The following KIAA1217 variants were observed in gnomAD, a reference collection of about 807,000 sequenced individuals.
KIAA1217 encodes sickle tail protein homolog.
KIAA1217 carries 88 observed loss-of-function variants against 163.9 expected under a neutral mutation model. The observed-to-expected ratio is 0.54, with a 90% CI of 0.45 to 0.64. The LOEUF is 0.64. KIAA1217 is among the 30% of genes least tolerant of loss of function. The probability of loss-of-function intolerance (pLI) is 0.00; values close to 1 mark genes in which losing one functional copy is unlikely to be tolerated. For missense variants in KIAA1217, 2,372 were observed against 2,475.0 expected, an observed-to-expected ratio of 0.96 and a Z score of 0.88; for synonymous variants, 903 against 923.1, an observed-to-expected ratio of 0.98 and a Z score of 0.39.
chr10:23,810,568 A>G (rs941220688), intron 1 of KIAA1217, among the ~76,000 whole-genome samples: 2 of 130,700 alleles, frequency 1.5e-5, no homozygotes, highest in South Asian at 4.6e-4. Flanking sequence ...TATATATAGT[A>G]TAATCTATAT....
intron 1 of KIAA1217, among the ~76,000 whole-genome samples, chr10:23,875,279 A>G (rs1840631288): frequency 6.6e-6 from 1 of 152,054 alleles, no homozygotes; most frequent in Admixed American, 6.6e-5. Context: ...CTCTTTATAG[A>G]AACAGGGGAG....
intron 1 of KIAA1217, among the ~76,000 whole-genome samples, chr10:23,968,738 A>G (rs1391860239): frequency 6.6e-6 from 1 of 152,162 alleles, no homozygotes; most frequent in African/African-American, 2.4e-5. Flanking sequence ...GTGGTCTTTT[A>G]TGACTGACTT....
intron 2 of KIAA1217, among the ~76,000 whole-genome samples, chr10:24,359,082 CT>C (rs202024336): frequency 0.03 from 2,423 of 81,544 alleles, 33 homozygotes; most frequent in African/African-American, 0.072. Flanking sequence ...TTCTTTCTTT[CT>C]TTTTTTTTTT....
rs1178970547 is a variant in KIAA1217 at position 24,542,690 on chromosome 10, C to A, written c.3535-3C>A. On this transcript the variant is annotated splice_polypyrimidine_tract_variant and splice_region_variant and intron_variant, in intron 17 of 20. Transcript: ENST00000376454. ...AGTAACATGTCCTACACTATTCTAC[C>A]AGAATTTGGAATTTTTCCATGAAGA... The A allele has an allele frequency of 6.2e-6, 10 of 1,613,592 alleles. No individual in the cohort carries two copies. In the South Asian group the frequency reaches 1.1e-4, roughly 18 times the overall value.
At chr10:24,340,578 G>GTTCCCTCCACCCGCATCTC (rs888466566) in intron 2 of KIAA1217, among the ~76,000 whole-genome samples, 29 of 152,154 alleles carry the variant, frequency 1.9e-4, no homozygotes, top group East Asian at 1.2e-3. Context: ...TATCCCTGCA[G>GTTCCCTCCACCCGCATCTC]TTCCCTCCAC....
At chr10:23,950,666 G>A (rs1844297175) in intron 1 of KIAA1217, among the ~76,000 whole-genome samples, 1 of 152,144 alleles carries the variant, frequency 6.6e-6, no homozygotes, top group African/African-American at 2.4e-5. Context: ...AGGGTTAGAA[G>A]CTGGGAGGGG....
rs141232731 is a variant in KIAA1217 at position 24,224,343 on chromosome 10, CT to C, written c.354+4444del. 3.6e-3 allele frequency among the ~76,000 whole-genome samples: 535 copies of C among 148,728 alleles called. 13 individuals are homozygous for C. In the East Asian group the frequency reaches 0.053, roughly 15 times the overall value. Reference sequence around the variant, plus strand: ...CTTAATCTTTCTTTCTTTTTTCTTTCTTTTTTTTTTGAGACAGAGTCTCACT... The same window carrying C: ...CTTAATCTTTCTTTCTTTTTTCTTTCTTTTTTTTTGAGACAGAGTCTCACT... On this transcript the variant is annotated intron_variant, in intron 2 of 20. Coordinates refer to ENST00000376454, the MANE Select transcript of KIAA1217 (RefSeq NM_019590.5).
At chr10:23,806,030 GAAAGAAAA>G (rs1836725727) in intron 1 of KIAA1217, among the ~76,000 whole-genome samples, 1 of 91,912 alleles carries the variant, frequency 1.1e-5, no homozygotes, top group African/African-American at 4.3e-5. Flanking sequence ...AAAAAGAAAA[GAAAGAAAA>G]AGAGAAAAAG....
exon 2 of KIAA1217, chr10:24,007,339 A>G (rs1187981175): frequency 6.6e-6 from 1 of 152,124 alleles, no homozygotes; most frequent in African/African-American, 2.4e-5. Flanking sequence ...TTACTTCTCC[A>G]TGGAGTCTTC....
chr10:23,902,422 T>A (rs1015218901), intron 1 of KIAA1217, among the ~76,000 whole-genome samples: 1 of 152,032 alleles, frequency 6.6e-6, no homozygotes, highest in Non-Finnish European at 1.5e-5. Flanking sequence ...TCTGATTGGA[T>A]GGGCCACAAA....
intron 1 of KIAA1217, among the ~76,000 whole-genome samples, chr10:23,853,197 T>A (rs1283568954): frequency 6.6e-6 from 1 of 152,228 alleles, no homozygotes; most frequent in African/African-American, 2.4e-5. Flanking sequence ...CATCAATACC[T>A]AATTTTTTGA....
rs543007464 is a variant in KIAA1217, at chr10:23,793,270, A to C, written c.-321+98036A>C. Among the ~76,000 whole-genome samples the C allele has an allele frequency of 3.9e-5, 6 of 152,230 alleles. No homozygotes were observed. In the East Asian group the frequency reaches 1.2e-3, roughly 29 times the overall value. ...ACAAGTGAGTGGAGAGGACCCAGAA[A>C]ACCCCTTTCTACTCATGGCACAGCA... On this transcript the variant is annotated intron_variant, in intron 1 of 18. Transcript: ENST00000376462.
Position 24,155,902 on chromosome 10 carries a change from A to G in KIAA1217, c.-170-63724A>G, listed in dbSNP as rs201695468. Among the ~76,000 whole-genome samples, 7 of 152,176 alleles carry G rather than the reference A, an allele frequency of 4.6e-5. No homozygotes were observed. In the East Asian group the frequency reaches 1.3e-3, roughly 29 times the overall value. On this transcript the variant is annotated intron_variant, in intron 2 of 18. Transcript: ENST00000376462. ...CTCTGTGACCTGAAGTTGAGCTAAGAGTTTTCTCTATTCTGATTAGATAAC... is the reference window on the plus strand; with the variant it reads ...CTCTGTGACCTGAAGTTGAGCTAAGGGTTTTCTCTATTCTGATTAGATAAC...
rs984608597 is a variant in KIAA1217, at chr10:24,150,026, C to CT, written c.-170-69592dup. ...TTCTGTATTTTTCTTTTTTCTTTTT[C>CT]TTTTTTTTGAGATGGAGTTAAACTT... On this transcript the variant is annotated intron_variant, in intron 2 of 18. Transcript: ENST00000376462. 2.5e-4 allele frequency among the ~76,000 whole-genome samples: 38 copies of CT among 151,748 alleles called. No individual in the cohort carries two copies. In the East Asian group the frequency reaches 4.3e-3, roughly 17 times the overall value.
At chr10:24,530,166 G>A (rs2072906888) in intron 14 of KIAA1217, among the ~76,000 whole-genome samples, 1 of 152,080 alleles carries the variant, frequency 6.6e-6, no homozygotes, top group Non-Finnish European at 1.5e-5. Flanking sequence ...GTCCTTTGAT[G>A]TTTTATATAG....
In KIAA1217 at chr10:24,546,299, C is replaced by T. The variant is rs1363591994; in HGVS notation, c.5807C>T (p.Pro1936Leu). 2.5e-6 allele frequency: 4 copies of T among 1,604,412 alleles called. No individual in the cohort carries two copies. The Admixed American group carries it at 6.9e-5, about 28-fold the overall frequency. ...AQNGSSSKAT[P>L]STAKETS Reference sequence around the variant, plus strand: ...AATGGAAGTTCAAGCAAAGCCACCCCATCCACAGCAAAAGAAACCTCTTAA... The same window carrying T: ...AATGGAAGTTCAAGCAAAGCCACCCTATCCACAGCAAAAGAAACCTCTTAA... Residue 1936 changes from proline to leucine, a missense_variant, in exon 21 of 21, where the codon CCA becomes CTA. Transcript: ENST00000376454.
At chr10:23,804,027 T>G (rs190424730) in intron 1 of KIAA1217, among the ~76,000 whole-genome samples, 7 of 152,368 alleles carry the variant, frequency 4.6e-5, no homozygotes, top group African/African-American at 1.7e-4. Flanking sequence ...ATATTTTATA[T>G]ACATCATCAT....
chr10:24,421,590 C>T (rs1232746476), intron 3 of KIAA1217, among the ~76,000 whole-genome samples: 1 of 152,196 alleles, frequency 6.6e-6, no homozygotes, highest in African/African-American at 2.4e-5. Context: ...ATCCTTCTAA[C>T]ATTTCATCAC....
At chr10:24,392,498 A>G (rs2130848373) in intron 3 of KIAA1217, among the ~76,000 whole-genome samples, 1 of 152,294 alleles carries the variant, frequency 6.6e-6, no homozygotes, top group East Asian at 1.9e-4. Context: ...TAGTCTTGAT[A>G]ATTGCTTTAG....
Sources: gnomAD v4.1 joint callset for allele counts (sites outside exome capture counted in the v4.1 genomes callset) on GRCh38, gnomAD v4.1.1 for gene constraint, MANE v1.5 for transcripts, NCBI Gene and HGNC (gene_info 2026-07-23, HGNC 2026-07-21) for gene names.